WASF2: variants seen among roughly 807,000 people sequenced by gnomAD.
The protein encoded by WASF2 is WASP family member 2.
In WASF2, 14 loss-of-function variants were observed where a neutral mutation model predicts 45.0. The ratio of observed to expected loss-of-function variants is 0.31; its 90% CI spans 0.21 to 0.49. The LOEUF is 0.49. Ranked by LOEUF, WASF2 falls within the 20% of genes least tolerant of loss-of-function variation. WASF2 has a pLI of 0.99. For missense variants in WASF2, 439 were observed against 636.1 expected (o/e 0.69, Z 3.33); for synonymous variants, 200 against 236.3 (o/e 0.85, Z 1.41).
intron 2 of WASF2, among the ~76,000 whole-genome samples, chr1:27,426,991 T>A (rs1051464128): frequency 3.9e-5 from 6 of 152,194 alleles, no homozygotes; most frequent in Admixed American, 3.3e-4. Context: ...TCCCATTCTC[T>A]CCTCTTAGGA....
chr1:27,430,727 C>T (rs557933202), intron 1 of WASF2, among the ~76,000 whole-genome samples: 127 of 151,822 alleles, frequency 8.4e-4, no homozygotes, highest in Middle Eastern at 3.4e-3. Flanking sequence ...CATTCTTGAC[C>T]GCCTTGCTCA....
At position 27,412,701 on chromosome 1, in the gene WASF2, T is replaced by G; in HGVS notation, c.695A>C (p.Asn232Thr). 1 of 1,614,218 alleles carries G rather than the reference T, an allele frequency of 6.2e-7. No homozygotes were observed. Among genetic ancestry groups the G allele is most frequent in the East Asian group, 2.2e-5 (1 of 44,884 alleles). ...SGYPPTLVYQ[N>T]GSIGCVENVD... Reference sequence around the variant, plus strand: ...GTTTTCAACACAGCCAATGCTGCCATTCTGGTACACCAAAGTGGGTGGATA... The same window carrying G: ...GTTTTCAACACAGCCAATGCTGCCAGTCTGGTACACCAAAGTGGGTGGATA... The change falls in exon 7 of 9, where the codon AAT becomes ACT. Residue 232 changes from asparagine (N) to threonine (T), a missense_variant. By Grantham distance (65) the Asn-to-Thr change is moderately conservative. Transcript: ENST00000618852.
At chr1:27,474,951 C>G (rs1229719331) in intron 1 of WASF2, among the ~76,000 whole-genome samples, 1 of 151,248 alleles carries the variant, frequency 6.6e-6, no homozygotes, top group Non-Finnish European at 1.5e-5. Flanking sequence ...GATCTTGTCT[C>G]AAAAACAAAA....
At chr1:27,454,177 ATATATATATATTTTTTTT>A (rs1450016175) in intron 1 of WASF2, among the ~76,000 whole-genome samples, 240 of 19,912 alleles carry the variant, frequency 0.012, no homozygotes, top group South Asian at 0.041. Context: ...ATATATATAT[ATATATATATATTTTTTTT>A]TTTTTTTTTT....
chr1:27,470,977 T>A (rs1453327701), intron 1 of WASF2, among the ~76,000 whole-genome samples: 2 of 152,070 alleles, frequency 1.3e-5, no homozygotes, highest in Admixed American at 6.6e-5. Flanking sequence ...CCAATAGGAA[T>A]TCTGGTACTG....
Position 27,406,545 on chromosome 1 carries a change from T to G in WASF2, c.*1644A>C, listed in dbSNP as rs1476891181. 1.3e-5 allele frequency: 2 copies of G among 152,686 alleles called. No individual in the cohort carries two copies. The highest frequency in any genetic ancestry group is 4.8e-5 in the African/African-American group (2 of 41,456). The allele number at this position is 152,686 out of a possible 1,614,324, so 9.5% of individuals were successfully genotyped here. A position where few individuals can be genotyped will look rare whatever the true frequency, so the allele number is the denominator to read the frequency against. ...GGGTAGGGACAGATCCTGTTTCTCT[T>G]TGTTTCAGGGCTCTGAAAGCCGGAG... On this transcript the variant is annotated 3_prime_UTR_variant, in exon 9 of 9. Transcript: ENST00000618852.
chr1:27,418,214 A>C (rs2016851458), intron 4 of WASF2, 55 bp downstream of exon 4: 2 of 1,550,916 alleles, frequency 1.3e-6, no homozygotes, highest in Admixed American at 2.0e-5. Flanking sequence ...GACAAAAAAA[A>C]ATCTAGCGTT....
At chr1:27,427,798 T>A (rs910241115) in intron 2 of WASF2, among the ~76,000 whole-genome samples, 2 of 152,152 alleles carry the variant, frequency 1.3e-5, no homozygotes, top group African/African-American at 4.8e-5. Flanking sequence ...GGGGTGACTA[T>A]CTGAAATAAT....
At chr1:27,474,529 T>C (rs946664672) in intron 1 of WASF2, among the ~76,000 whole-genome samples, 3 of 151,978 alleles carry the variant, frequency 2.0e-5, no homozygotes, top group Non-Finnish European at 4.4e-5. Context: ...CCCAGCACTT[T>C]GGGAGGCTGA....
At position 27,434,952 on chromosome 1, in the gene WASF2, A is replaced by AT. The variant is rs922675358; in HGVS notation, c.-43-6020dup. ...TCTGTATATTTGAAGTTATCATGCA[A>AT]TTTTTTTTTTTTAGACGGAGTTTTG... On this transcript the variant is annotated intron_variant, in intron 1 of 8. Transcript: ENST00000618852. 5.1e-3 allele frequency among the ~76,000 whole-genome samples: 750 copies of AT among 146,584 alleles called. 5 individuals carry two copies. Among genetic ancestry groups the AT allele is most frequent in the African/African-American group, 0.016 (639 of 40,346 alleles).
chr1:27,456,996 C>T (rs937033213), intron 1 of WASF2, among the ~76,000 whole-genome samples: 2 of 151,916 alleles, frequency 1.3e-5, no homozygotes, highest in Non-Finnish European at 2.9e-5. Context: ...CCCGTCTCGG[C>T]CCCCCAAAGT....
Position 27,451,479 on chromosome 1 carries a change from G to A in WASF2, c.-43-22546C>T, listed in dbSNP as rs1013959222. Among the ~76,000 whole-genome samples, 27 of 152,318 alleles carry A rather than the reference G, an allele frequency of 1.8e-4. 1 individual carries two copies. In the Middle Eastern group the frequency reaches 0.01, roughly 58 times the overall value. On this transcript the variant is annotated intron_variant, in intron 1 of 8. Transcript: ENST00000618852. ...GAGACTAATAAGGCAGACAAAAGCTGAGGCACAGAGAGCCTTGTATGCCGG... is the reference window on the plus strand; with the variant it reads ...GAGACTAATAAGGCAGACAAAAGCTAAGGCACAGAGAGCCTTGTATGCCGG...
rs192445905 is a variant in WASF2 at position 27,411,962 on chromosome 1, A to G, written c.824+610T>C. The stretch of plus-strand genomic sequence containing the variant: ...CGGTATAGGCAAAACAGGAGTAGTT[A>G]AGAATATAGGTTCTGGAGTTCAACT... On this transcript the variant is annotated intron_variant, in intron 7 of 8. Transcript: ENST00000618852. 3.9e-5 allele frequency among the ~76,000 whole-genome samples: 6 copies of G among 152,350 alleles called. No homozygotes were observed. In the East Asian group the frequency reaches 1.2e-3, roughly 29 times the overall value.
intron 1 of WASF2, among the ~76,000 whole-genome samples, chr1:27,431,444 C>T (rs141742200): frequency 4.6e-5 from 7 of 152,170 alleles, no homozygotes; most frequent in African/African-American, 7.2e-5. Flanking sequence ...GCTCTGAACA[C>T]CATCCTCTAG....
intron 1 of WASF2, among the ~76,000 whole-genome samples, chr1:27,456,546 A>G (rs550734125): frequency 6.6e-6 from 1 of 152,134 alleles, no homozygotes; most frequent in African/African-American, 2.4e-5. Context: ...CAACATGGAA[A>G]GTGAAATTTA....
At chr1:27,450,577 C>T (rs186758641) in intron 1 of WASF2, among the ~76,000 whole-genome samples, 2 of 152,204 alleles carry the variant, frequency 1.3e-5, no homozygotes, top group Non-Finnish European at 2.9e-5. Context: ...CTCAGCTCAT[C>T]ACAACCTCTG....
intron 1 of WASF2, among the ~76,000 whole-genome samples, chr1:27,475,426 C>T (rs2017752845): frequency 6.6e-6 from 1 of 152,194 alleles, no homozygotes; most frequent in East Asian, 1.9e-4. Flanking sequence ...CTTCTGCCAT[C>T]AACAGTTCCT....
chr1:27,479,693 C>A (rs551993521), intron 1 of WASF2, among the ~76,000 whole-genome samples: 1 of 152,048 alleles, frequency 6.6e-6, no homozygotes, highest in African/African-American at 2.4e-5. Flanking sequence ...GGTGAAACCC[C>A]GTCTCTACTA....
At chr1:27,458,152 T>C (rs1222692326) in intron 1 of WASF2, among the ~76,000 whole-genome samples, 1 of 150,698 alleles carries the variant, frequency 6.6e-6, no homozygotes, top group African/African-American at 2.4e-5. Flanking sequence ...GCTACTAAAA[T>C]ACAAAAAAAA....
Sources: gnomAD v4.1 joint callset for allele counts (sites outside exome capture counted in the v4.1 genomes callset) on GRCh38, gnomAD v4.1.1 for gene constraint, MANE v1.5 for transcripts, NCBI Gene and HGNC (gene_info 2026-07-23, HGNC 2026-07-21) for gene names.